Variants in UBR3 observed in about 807,000 individuals in gnomAD.
The protein encoded by UBR3 is E3 ubiquitin-protein ligase UBR3.
UBR3 carries 85 observed loss-of-function variants against 243.2 expected under a neutral mutation model. That is an observed-to-expected ratio of 0.35 (90% CI 0.29 to 0.42). The LOEUF (loss-of-function observed/expected upper bound fraction) is 0.42, where lower values mean the gene tolerates loss of function less well. Ranked by LOEUF, UBR3 falls within the 10% of genes least tolerant of loss-of-function variation. The probability of loss-of-function intolerance (pLI) is 1.00; values close to 1 mark genes in which losing one functional copy is unlikely to be tolerated. For synonymous variants in UBR3, 748 were observed against 799.8 expected (o/e 0.94, Z 1.09); for missense variants, 1,686 against 2,300.8 (o/e 0.73, Z 5.47).
At chr2:169,913,958 T>A in intron 10 of UBR3, 102 bp from the exon 11 acceptor site, 1 of 450,990 alleles carries the variant, frequency 2.2e-6, no homozygotes, top group Non-Finnish European at 3.5e-6. Context: ...CTATACATTT[T>A]ACCATTTTAT....
intron 31 of UBR3, among the ~76,000 whole-genome samples, chr2:170,034,684 T>C (rs1407029952): frequency 6.6e-6 from 1 of 151,366 alleles, no homozygotes; most frequent in Non-Finnish European, 1.5e-5. Flanking sequence ...TTTGGGTAAA[T>C]ACTAAGGAGC....
At chr2:169,978,753 C>G (rs928816927) in intron 24 of UBR3, among the ~76,000 whole-genome samples, 1 of 152,014 alleles carries the variant, frequency 6.6e-6, no homozygotes, top group Non-Finnish European at 1.5e-5. Context: ...GAGTCCACTC[C>G]CCATGGAGAA....
At chr2:169,842,609 C>T (rs192873130) in intron 1 of UBR3, among the ~76,000 whole-genome samples, 10 of 152,266 alleles carry the variant, frequency 6.6e-5, no homozygotes, top group South Asian at 6.2e-4. Flanking sequence ...ACCACGAGCC[C>T]GCCAGGAGGA....
In UBR3 at chr2:169,857,028, G is replaced by C. The variant is rs1024995058; in HGVS notation, c.546-15208G>C. Among the ~76,000 whole-genome samples, 4 of 138,512 alleles carry C rather than the reference G, an allele frequency of 2.9e-5. No homozygotes were observed. In the Admixed American group the frequency reaches 2.9e-4, roughly 10 times the overall value. 90.9% of individuals were successfully genotyped at this position (138,512 alleles called of 152,430 possible). On this transcript the variant is annotated intron_variant, in intron 1 of 38. Transcript: ENST00000272793. ...TTCTAAATTTGGGGAATTTTTAAAG[G>C]TATCTTGTTAATGATTTCCAGCATA...
At chr2:169,900,592 T>C (rs1181136353) in intron 8 of UBR3, among the ~76,000 whole-genome samples, 2 of 152,194 alleles carry the variant, frequency 1.3e-5, no homozygotes, top group Non-Finnish European at 2.9e-5. Context: ...AAATTCATAA[T>C]TGAGAAAACA....
intron 23 of UBR3, among the ~76,000 whole-genome samples, chr2:169,957,851 G>C (rs1218323698): frequency 6.6e-6 from 1 of 152,158 alleles, no homozygotes; most frequent in African/African-American, 2.4e-5. Flanking sequence ...TTCTTATGTT[G>C]TGTTTGAGAC....
At chr2:169,892,793 T>C (rs1201285636) in intron 6 of UBR3, among the ~76,000 whole-genome samples, 1 of 152,202 alleles carries the variant, frequency 6.6e-6, no homozygotes, top group Non-Finnish European at 1.5e-5. Flanking sequence ...CCAGACACTA[T>C]GCTAACCTCA....
chr2:169,906,352 T>C (rs2085008332), intron 10 of UBR3, among the ~76,000 whole-genome samples, 188 bp downstream of exon 10: 1 of 152,200 alleles, frequency 6.6e-6, no homozygotes, highest in Admixed American at 6.6e-5. Flanking sequence ...ATCAGATTTT[T>C]CCAGCCTGTT....
intron 30 of UBR3, among the ~76,000 whole-genome samples, chr2:170,025,624 G>T (rs2105419405): frequency 6.6e-6 from 1 of 152,294 alleles, no homozygotes; most frequent in African/African-American, 2.4e-5. Context: ...TTATTGATTA[G>T]ATGGATTGGA....
chr2:169,999,867 T>C (rs2089630566), intron 26 of UBR3, among the ~76,000 whole-genome samples: 1 of 152,184 alleles, frequency 6.6e-6, no homozygotes, highest in Non-Finnish European at 1.5e-5. Context: ...CTCATGCCTG[T>C]AATCCCAGCA....
At chr2:169,866,012 A>G (rs1209090831) in intron 1 of UBR3, among the ~76,000 whole-genome samples, 1 of 151,886 alleles carries the variant, frequency 6.6e-6, no homozygotes, top group African/African-American at 2.4e-5. Context: ...GTAGATGGGC[A>G]TGGTGGTGCG....
At chr2:169,922,152 G>C (rs113849812) in intron 11 of UBR3, among the ~76,000 whole-genome samples, 23,325 of 151,282 alleles carry the variant, frequency 0.15, 1,960 homozygotes, top group Admixed American at 0.22. Flanking sequence ...CAGGCATGGT[G>C]GTGTGTGTCT....
Position 169,844,007 on chromosome 2 carries a change from C to CTTTT in UBR3, c.545+15968_545+15971dup, listed in dbSNP as rs11421686. On this transcript the variant is annotated intron_variant, in intron 1 of 38. Transcript: ENST00000272793. ...CCATTTCTTTTCTTTTTTCTCTTTA[C>CTTTT]TTTTTTTTTTTTTTTTGAGACTGAG... 4.5e-5 allele frequency among the ~76,000 whole-genome samples: 6 copies of CTTTT among 134,084 alleles called. 1 individual carries two copies. The highest frequency in any genetic ancestry group is 7.8e-5 in the Non-Finnish European group (5 of 63,702). The allele number at this position is 134,084 out of a possible 152,430, so 88.0% of individuals were successfully genotyped here.
chr2:169,890,577 ATATG>A (rs1296290697), intron 5 of UBR3, among the ~76,000 whole-genome samples: 12 of 115,402 alleles, frequency 1.0e-4, no homozygotes, highest in East Asian at 2.3e-4. Flanking sequence ...GTATATATAT[ATATG>A]TATATATATA....
At chr2:169,906,725 T>C (rs970250312) in intron 10 of UBR3, among the ~76,000 whole-genome samples, 3 of 152,134 alleles carry the variant, frequency 2.0e-5, no homozygotes, top group Admixed American at 2.0e-4. Flanking sequence ...CTGGACAAGA[T>C]TTTGTAGTAG....
intron 1 of UBR3, among the ~76,000 whole-genome samples, chr2:169,861,185 T>C (rs748375822): frequency 1.3e-5 from 2 of 152,168 alleles, no homozygotes; most frequent in Non-Finnish European, 2.9e-5. Context: ...GTTAATCTCC[T>C]TGGGCAATAC....
At position 170,055,640 on chromosome 2, in the gene UBR3, G is replaced by A. The variant is rs141625383; in HGVS notation, c.4785+56G>A. On this transcript the variant is annotated intron_variant, in intron 33 of 38. Transcript: ENST00000272793. ...AGGTAGGTGAAGTCATTTAAGCTGGGGATATTGAGTGAATAAGAGTAGGTG... is the reference window on the plus strand; with the variant it reads ...AGGTAGGTGAAGTCATTTAAGCTGGAGATATTGAGTGAATAAGAGTAGGTG... 1.1e-3 allele frequency: 1,725 copies of A among 1,597,500 alleles called. 25 individuals are homozygous for A. The East Asian group carries it at 0.031, about 28-fold the overall frequency.
intron 26 of UBR3, among the ~76,000 whole-genome samples, chr2:170,000,524 C>G (rs762326564): frequency 7.9e-5 from 12 of 152,182 alleles, no homozygotes; most frequent in Non-Finnish European, 1.5e-4. Flanking sequence ...TGACTCTTGG[C>G]TTTCTGACTT....
intron 5 of UBR3, among the ~76,000 whole-genome samples, chr2:169,889,450 A>G (rs529050207): frequency 8.5e-5 from 13 of 152,306 alleles, no homozygotes; most frequent in African/African-American, 3.1e-4. Context: ...GTCTTGGAGA[A>G]CCAGTTTCAT....
Sources: gnomAD v4.1 joint callset for allele counts (sites outside exome capture counted in the v4.1 genomes callset) on GRCh38, gnomAD v4.1.1 for gene constraint, MANE v1.5 for transcripts, NCBI Gene and HGNC (gene_info 2026-07-23, HGNC 2026-07-21) for gene names.